ZBTB7C: variants seen among roughly 807,000 people sequenced by gnomAD.
The protein encoded by ZBTB7C is zinc finger and BTB domain-containing protein 7C.
In ZBTB7C, 8 loss-of-function variants were observed where a neutral mutation model predicts 25.7. That is an observed-to-expected ratio of 0.31 (90% CI 0.18 to 0.56). The LOEUF is 0.56. Ranked by LOEUF, ZBTB7C falls within the 20% of genes least tolerant of loss-of-function variation. The probability of loss-of-function intolerance (pLI) is 0.91; values close to 1 mark genes in which losing one functional copy is unlikely to be tolerated. For missense variants in ZBTB7C, 824 were observed against 855.2 expected, an observed-to-expected ratio of 0.96 and a Z score of 0.46; for synonymous variants, 394 against 369.0, an observed-to-expected ratio of 1.07 and a Z score of -0.78.
At chr18:48,058,676 G>A (rs184980643) in intron 3 of ZBTB7C, among the ~76,000 whole-genome samples, 31 of 152,268 alleles carry the variant, frequency 2.0e-4, no homozygotes, top group South Asian at 8.3e-4. Context: ...TTCATGCCCC[G>A]TGCAGTCCCC....
intron 3 of ZBTB7C, among the ~76,000 whole-genome samples, chr18:48,161,665 C>T (rs1272880454): frequency 2.0e-5 from 3 of 150,582 alleles, no homozygotes; most frequent in Non-Finnish European, 4.4e-5. Context: ...TGCCCGCAGC[C>T]CCCTTCCTGC....
chr18:48,264,762 C>G (rs541999322), intron 2 of ZBTB7C, among the ~76,000 whole-genome samples: 1 of 152,132 alleles, frequency 6.6e-6, no homozygotes, highest in Non-Finnish European at 1.5e-5. Context: ...GACACTCCCC[C>G]AAAAGGACTG....
rs150767161 is a variant in ZBTB7C at position 48,143,911 on chromosome 18, C to T, written c.-17+42023G>A. Among the ~76,000 whole-genome samples, 230 of 152,332 alleles carry T rather than the reference C, an allele frequency of 1.5e-3. 1 individual carries two copies. The highest frequency in any genetic ancestry group is 5.2e-3 in the African/African-American group (217 of 41,580). Reference sequence around the variant, plus strand: ...TATTTGGTGCTGAACCCGGATCCCTCTCCCCTATTGCAGTCCGGCCCAACT... The same window carrying T: ...TATTTGGTGCTGAACCCGGATCCCTTTCCCCTATTGCAGTCCGGCCCAACT... On this transcript the variant is annotated intron_variant, in intron 3 of 4. Coordinates refer to ENST00000590800, the MANE Select transcript of ZBTB7C (RefSeq NM_001318841.2).
At chr18:48,291,220 T>C (rs1435646353) in intron 2 of ZBTB7C, among the ~76,000 whole-genome samples, 1 of 152,170 alleles carries the variant, frequency 6.6e-6, no homozygotes, top group Non-Finnish European at 1.5e-5. Flanking sequence ...CAAACATTTA[T>C]GGCAATGGGC....
rs192627035 is a variant in ZBTB7C, at chr18:48,138,723, C to T, written c.-17+47211G>A. Among the ~76,000 whole-genome samples the T allele has an allele frequency of 3.2e-4, 49 of 152,266 alleles. No homozygotes were observed. The East Asian group carries it at 4.6e-3, about 14-fold the overall frequency. ...CTTTTTATCAAAAACCAGGTACTCCCGGAACACCCAAGACAAAGACTGAGA... is the reference window on the plus strand; with the variant it reads ...CTTTTTATCAAAAACCAGGTACTCCTGGAACACCCAAGACAAAGACTGAGA... On this transcript the variant is annotated intron_variant, in intron 3 of 4. Coordinates refer to ENST00000590800, the MANE Select transcript of ZBTB7C (RefSeq NM_001318841.2).
intron 3 of ZBTB7C, among the ~76,000 whole-genome samples, chr18:48,054,133 T>C (rs908427057): frequency 2.0e-5 from 3 of 151,996 alleles, no homozygotes; most frequent in African/African-American, 7.3e-5. Flanking sequence ...GTCTTGGGCG[T>C]GGGTGGGACG....
chr18:48,029,359 G>A lies in ZBTB7C; in HGVS notation c.1761C>T (p.Pro587=). 1.9e-6 allele frequency: 3 copies of A among 1,545,534 alleles called. No individual in the cohort carries two copies. Among genetic ancestry groups the A allele is most frequent in the Non-Finnish European group, 2.6e-6 (3 of 1,149,998 alleles). Residue 587 remains proline, a synonymous_variant, in exon 5 of 5, where the codon CCC becomes CCT. Transcript: ENST00000590800. ...ALAENVAAAR[P]YFPLPDPWAA... is the part of the protein sequence containing the mutation. The stretch of plus-strand genomic sequence containing the variant: ...CCCAAGGGTCGGGCAGCGGGAAGTA[G>A]GGCCGCGCCGCCGCCACGTTCTCGG...
chr18:48,103,301 C>A (rs1030459753), intron 3 of ZBTB7C, among the ~76,000 whole-genome samples: 5 of 151,804 alleles, frequency 3.3e-5, no homozygotes, highest in Admixed American at 3.3e-4. Context: ...AAACAACAAC[C>A]AAGGGCTCTG....
chr18:48,284,656 T>C (rs1483624858), intron 2 of ZBTB7C, among the ~76,000 whole-genome samples: 1 of 151,788 alleles, frequency 6.6e-6, no homozygotes, highest in Non-Finnish European at 1.5e-5. Context: ...CTGGGTATGG[T>C]GTTACACACC....
chr18:48,078,413 G>T (rs1455887676), intron 3 of ZBTB7C, among the ~76,000 whole-genome samples: 4 of 152,172 alleles, frequency 2.6e-5, no homozygotes, highest in Non-Finnish European at 5.9e-5. Context: ...CCTCTGGGGG[G>T]CATACCTTCA....
At chr18:48,395,453 C>T in intron 1 of ZBTB7C, among the ~76,000 whole-genome samples, 1 of 85,428 alleles carries the variant, frequency 1.2e-5, no homozygotes, top group Non-Finnish European at 2.1e-5. Context: ...CATGTGTGTT[C>T]TATTCAAATG....
chr18:48,225,532 T>C (rs1169770147), intron 2 of ZBTB7C, among the ~76,000 whole-genome samples: 1 of 152,180 alleles, frequency 6.6e-6, no homozygotes, highest in Non-Finnish European at 1.5e-5. Flanking sequence ...TCCATCCATA[T>C]ACACAAGCCC....
intron 2 of ZBTB7C, among the ~76,000 whole-genome samples, chr18:48,278,369 T>C (rs2044730451): frequency 6.6e-6 from 1 of 152,070 alleles, no homozygotes; most frequent in Non-Finnish European, 1.5e-5. Context: ...TTGGATCGTC[T>C]ATCCCCAGTT....
chr18:48,089,284 C>G (rs1029333315), intron 3 of ZBTB7C, among the ~76,000 whole-genome samples: 1 of 151,774 alleles, frequency 6.6e-6, no homozygotes, highest in African/African-American at 2.4e-5. Context: ...GCCTGGCCAA[C>G]ATGGTGAAAC....
chr18:48,109,654 G>A (rs1300640768), intron 3 of ZBTB7C, among the ~76,000 whole-genome samples: 3 of 152,258 alleles, frequency 2.0e-5, no homozygotes, highest in Non-Finnish European at 4.4e-5. Context: ...ACAAGGGGGA[G>A]GAAAGACAGC....
chr18:48,042,961 A>G (rs1308004806), intron 3 of ZBTB7C, among the ~76,000 whole-genome samples: 4 of 152,374 alleles, frequency 2.6e-5, no homozygotes, highest in South Asian at 4.1e-4. Flanking sequence ...CAGATGGCAG[A>G]TAAGCCATCT....
At chr18:48,351,686 A>G (rs960473149) in intron 1 of ZBTB7C, among the ~76,000 whole-genome samples, 1 of 152,236 alleles carries the variant, frequency 6.6e-6, no homozygotes, top group East Asian at 1.9e-4. Context: ...ACTGCAATCT[A>G]AAAGATAAGT....
intron 2 of ZBTB7C, among the ~76,000 whole-genome samples, chr18:48,222,696 T>C (rs1568312804): frequency 6.6e-6 from 1 of 152,256 alleles, no homozygotes; most frequent in East Asian, 1.9e-4. Context: ...CAGGAGACTC[T>C]TCTTGCCTTA....
chr18:48,213,824 G>A (rs1029108095), intron 2 of ZBTB7C, among the ~76,000 whole-genome samples: 3 of 152,240 alleles, frequency 2.0e-5, no homozygotes, highest in African/African-American at 7.2e-5. Flanking sequence ...AACGGGCAAT[G>A]TCAGAGCAAA....
Sources: gnomAD v4.1 joint callset for allele counts (sites outside exome capture counted in the v4.1 genomes callset) on GRCh38, gnomAD v4.1.1 for gene constraint, MANE v1.5 for transcripts, NCBI Gene and HGNC (gene_info 2026-07-23, HGNC 2026-07-21) for gene names.